ITIH3: variants seen among roughly 807,000 people sequenced by gnomAD.
ITIH3 encodes the protein inter-alpha-trypsin inhibitor heavy chain 3.
A neutral mutation model predicts 96.5 loss-of-function variants in ITIH3; 81 were observed. That is an observed-to-expected ratio of 0.84 (90% CI 0.70 to 1.01). The LOEUF (loss-of-function observed/expected upper bound fraction) is 1.01. Ranked by LOEUF, ITIH3 falls within the 50% of genes least tolerant of loss-of-function variation. The pLI, the probability that ITIH3 is intolerant of heterozygous loss-of-function variation, is 0.00. For synonymous variants in ITIH3, 422 were observed against 445.2 expected (o/e 0.95, Z 0.66); for missense variants, 1,057 against 1,139.3 (o/e 0.93, Z 1.04).
chr3:52,805,681 T>C, intron 15 of ITIH3, 127 bp from the exon 16 acceptor site: 1 of 1,530,560 alleles, frequency 6.5e-7, no homozygotes. Context: ...TGTAGTCACA[T>C]CTCCACCTCT....
At position 52,802,242 on chromosome 3, in the gene ITIH3, A is replaced by G. The variant is rs572316178; in HGVS notation, c.1384-92A>G. 12 of 1,352,020 alleles carry G rather than the reference A, an allele frequency of 8.9e-6. No individual in the cohort carries two copies. The African/African-American group carries it at 1.0e-4, about 12-fold the overall frequency. 83.8% of individuals were successfully genotyped at this position (1,352,020 alleles called of 1,614,324 possible). A position where few individuals can be genotyped will look rare whatever the true frequency, so the allele number is the denominator to read the frequency against. ...AGAGTGAACATTAGGAGCCATTAGG[A>G]CGGGCCCAGCCCTGGGGCATGGATG... is the stretch of plus-strand genomic sequence containing the variant. On this transcript the variant is annotated intron_variant, in intron 11 of 21. Transcript: ENST00000449956.
chr3:52,804,190 A>G (rs1200970150), intron 14 of ITIH3, 181 bp downstream of exon 14: 24 of 636,888 alleles, frequency 3.8e-5, no homozygotes, highest in Non-Finnish European at 6.5e-5. Flanking sequence ...CAGCATGGAC[A>G]GTGGGGTGTG....
intron 9 of ITIH3, 29 bp from the exon 10 acceptor site, chr3:52,800,509 T>A (rs1305942156): frequency 6.5e-7 from 1 of 1,550,286 alleles, no homozygotes; most frequent in Non-Finnish European, 8.7e-7. Flanking sequence ...GAGGACACCC[T>A]CCCACGGTGC....
Position 52,800,968 on chromosome 3 carries a change from A to G in ITIH3, c.1205A>G (p.Glu402Gly). Residue 402 changes from glutamate (E) to glycine (G), a missense_variant, in exon 11 of 22, where the codon GAG (glutamate) becomes GGG (glycine). Physicochemically the swap from Glu to Gly is moderately conservative, Grantham distance 98. Coordinates refer to ENST00000449956, the MANE Select transcript of ITIH3 (RefSeq NM_002217.4). ...MLTDGDANVG[E>G]SRPEKIQENV... ...TGAACACCCCCTTCTCCAACAGGTG[A>G]GAGCAGACCCGAAAAAATCCAAGAG... 6.2e-7 allele frequency: 1 copy of G among 1,614,046 alleles called. No homozygotes were observed.
intron 11 of ITIH3, 35 bp from the exon 12 acceptor site, chr3:52,802,299 G>A (rs1296969219): frequency 1.2e-6 from 2 of 1,608,466 alleles, no homozygotes; most frequent in South Asian, 1.1e-5. Flanking sequence ...AGCCTGACCT[G>A]GGGCTTGAGA....
At chr3:52,802,261 A>C (rs1699858291) in intron 11 of ITIH3, 73 bp from the exon 12 acceptor site, 1 of 1,513,970 alleles carries the variant, frequency 6.6e-7, no homozygotes, top group South Asian at 1.2e-5. Flanking sequence ...GCCCTGGGGC[A>C]TGGATGCCCA....
intron 11 of ITIH3, 64 bp downstream of exon 11, chr3:52,801,210 A>G: frequency 7.3e-7 from 1 of 1,372,282 alleles, no homozygotes; most frequent in Non-Finnish European, 9.7e-7. Context: ...CAGCTGCTCC[A>G]TAAGGTGACA....
chr3:52,796,286 T>G (rs767438603), intron 2 of ITIH3, among the ~76,000 whole-genome samples, 195 bp from the exon 3 acceptor site: 9 of 152,146 alleles, frequency 5.9e-5, no homozygotes, highest in Non-Finnish European at 8.8e-5. Flanking sequence ...GACAAGCATC[T>G]GAATAATGGT....
At chr3:52,802,148 G>A (rs1392339765) in intron 11 of ITIH3, 186 bp from the exon 12 acceptor site, 3 of 547,332 alleles carry the variant, frequency 5.5e-6, no homozygotes, top group Non-Finnish European at 9.7e-6. Flanking sequence ...TCTTCCTCGT[G>A]TCTATCTGGG....
chr3:52,803,946 A>G lies in ITIH3; in HGVS notation c.1801A>G (p.Met601Val), dbSNP rs769232549. ...KYHFVTPLTS[M>V]VVTKPEDNED... The stretch of plus-strand genomic sequence containing the variant: ...TCACTTTGTGACTCCACTGACCTCA[A>G]TGGTGGTGACCAAGCCTGAGGACAA... The change falls in exon 14 of 22, where the codon ATG (methionine) becomes GTG (valine). Residue 601 changes from methionine (M) to valine (V), a missense_variant. Physicochemically the swap from Met to Val is conservative, Grantham distance 21. Transcript: ENST00000449956. 10 of 1,613,700 alleles carry G rather than the reference A, an allele frequency of 6.2e-6. No individual in the cohort carries two copies. In the African/African-American group the frequency reaches 6.7e-5, roughly 11 times the overall value.
In ITIH3 at chr3:52,808,625, G is replaced by A. The variant is rs779110584; in HGVS notation, c.2617G>A (p.Gly873Arg). The change falls in exon 22 of 22, where the codon GGA (glycine) becomes AGA (arginine). Residue 873 changes from glycine (G) to arginine (R), a missense_variant. By Grantham distance (125) the Gly-to-Arg change is moderately radical (BLOSUM62 -2). Coordinates refer to ENST00000449956, the MANE Select transcript of ITIH3 (RefSeq NM_002217.4). ...KVVCWFVHNN[G>R]EGLIDGVHTD... ...TGTCTGCTGGTTCGTCCACAACAAC[G>A]GAGAAGGGCTGATTGATGGTGTCCA... 11 of 1,613,860 alleles carry A rather than the reference G, an allele frequency of 6.8e-6. No homozygotes were observed. The highest frequency in any genetic ancestry group is 4.0e-5 in the African/African-American group (3 of 74,932).
intron 2 of ITIH3, 30 bp downstream of exon 2, chr3:52,795,653 A>G: frequency 6.2e-7 from 1 of 1,608,266 alleles, no homozygotes; most frequent in Non-Finnish European, 8.5e-7. Flanking sequence ...GGTGGGACCG[A>G]GTGGGGCAGG....
At chr3:52,796,696 G>C (rs762780627) in intron 3 of ITIH3, 43 bp from the exon 4 acceptor site, 1 of 1,606,348 alleles carries the variant, frequency 6.2e-7, no homozygotes, top group Non-Finnish European at 8.5e-7. Flanking sequence ...CAGGGGGTCT[G>C]GCCCAGTGTG....
At position 52,807,049 on chromosome 3, in the gene ITIH3, C is replaced by T. The variant is rs1700081196; in HGVS notation, c.2205C>T (p.Asn735=). 2 of 1,601,278 alleles carry T rather than the reference C, an allele frequency of 1.2e-6. No individual in the cohort carries two copies. The highest frequency in any genetic ancestry group is 1.7e-6 in the Non-Finnish European group (2 of 1,174,136). The change falls in exon 19 of 22, where the codon AAC becomes AAT. Residue 735 remains asparagine, a synonymous_variant. Transcript: ENST00000449956. ...EVTTEKITLW[N]RAVPSTFSWL... The stretch of plus-strand genomic sequence containing the variant: ...CAACGGAGAAGATCACCCTGTGGAA[C>T]AGGGCCGTGCCGAGCACTTTCAGCT...
At position 52,796,636 on chromosome 3, in the gene ITIH3, CA is replaced by C; in HGVS notation, c.272del (p.Asn91ThrfsTer4). The C allele has an allele frequency of 6.2e-7, 1 of 1,612,500 alleles. No individual in the cohort carries two copies. ...VELPKTAFIT[N>X]FTLTIDGVTY... is the part of the protein sequence containing the mutation. ...AGCTGCCCAAGACGGCCTTCATCAC[CA>C]ACTTCACCTTGTGGGTACCACCATG... On this transcript the variant is annotated frameshift_variant, in exon 3 of 22. Coordinates refer to ENST00000449956, the MANE Select transcript of ITIH3 (RefSeq NM_002217.4). LOFTEE classifies it high-confidence loss of function.
rs996907475 is a variant in ITIH3 at position 52,798,953 on chromosome 3, C to T, written c.664-13C>T. 1 of 1,612,180 alleles carries T rather than the reference C, an allele frequency of 6.2e-7. No individual in the cohort carries two copies. Among genetic ancestry groups the T allele is most frequent in the South Asian group, 1.1e-5 (1 of 90,490 alleles). On this transcript the variant is annotated splice_polypyrimidine_tract_variant and intron_variant, in intron 6 of 21. Transcript: ENST00000449956. ...GGCCGAGCTGAGCAAGGTCTTTCATCTCCATCCCTTAGGGCCATGTGTCCT... is the reference window on the plus strand; with the variant it reads ...GGCCGAGCTGAGCAAGGTCTTTCATTTCCATCCCTTAGGGCCATGTGTCCT...
In ITIH3 at chr3:52,801,028, T is replaced by C. The variant is rs1209366229; in HGVS notation, c.1265T>C (p.Leu422Ser). 6.2e-7 allele frequency: 1 copy of C among 1,614,052 alleles called. No individual in the cohort carries two copies. The highest frequency in any genetic ancestry group is 8.5e-7 in the Non-Finnish European group (1 of 1,179,892). ...VRNAIGGKFP[L>S]YNLGFGNNLN... ...AATGCCATCGGGGGCAAGTTCCCCT[T>C]GTATAACCTGGGCTTTGGCAACAAT... The change falls in exon 11 of 22, where the codon TTG becomes TCG. Residue 422 changes from leucine (L) to serine (S), a missense_variant. By Grantham distance (145) the Leu-to-Ser change is moderately radical. Transcript: ENST00000449956.
At chr3:52,795,488 TG>T in intron 1 of ITIH3, 114 bp from the exon 2 acceptor site, 2 of 1,107,774 alleles carry the variant, frequency 1.8e-6, no homozygotes. Flanking sequence ...CTCAGGTGTG[TG>T]GGGGGCAGGG....
chr3:52,804,568 ACTC>A, intron 14 of ITIH3, 155 bp from the exon 15 acceptor site: 1 of 688,940 alleles, frequency 1.5e-6, no homozygotes, highest in Non-Finnish European at 2.5e-6. Flanking sequence ...GCTTCCAAGA[ACTC>A]CTAGTTCCAG....
Sources: allele counts gnomAD v4.1 joint callset (sites outside exome capture counted in the v4.1 genomes callset), GRCh38; gene constraint gnomAD v4.1.1; transcripts MANE v1.5; gene names NCBI Gene and HGNC (gene_info 2026-07-23, HGNC 2026-07-21).